The following ALMS1 variants were observed in gnomAD, a reference collection of about 807,000 sequenced individuals.
ALMS1 encodes ALMS1 centrosome and basal body associated protein, also known as centrosome-associated protein ALMS1.
Under a neutral mutation model 352.2 loss-of-function variants are expected in ALMS1, and 271 were observed. The ratio of observed to expected loss-of-function variants is 0.77; its 90% CI spans 0.70 to 0.85. ALMS1 has a LOEUF of 0.85. Among genes scored for constraint, ALMS1 ranks in the 40% least tolerant of loss-of-function variants. The probability of loss-of-function intolerance (pLI) is 0.00; values close to 1 mark genes in which losing one functional copy is unlikely to be tolerated. For synonymous variants in ALMS1, 1,865 were observed against 1,761.2 expected (o/e 1.06, Z -1.48); for missense variants, 5,445 against 4,870.7 (o/e 1.12, Z -3.51).
intron 7 of ALMS1, among the ~76,000 whole-genome samples, chr2:73,444,859 A>G (rs555490758): frequency 1.3e-5 from 2 of 152,302 alleles, no homozygotes; most frequent in African/African-American, 2.4e-5. Flanking sequence ...ATAAACATCT[A>G]TGAGTTAACT....
At chr2:73,594,493 C>T (rs1675504202) in intron 16 of ALMS1, among the ~76,000 whole-genome samples, 1 of 152,200 alleles carries the variant, frequency 6.6e-6, no homozygotes, top group African/African-American at 2.4e-5. Context: ...AGGATGTTCA[C>T]AGAACCTCAG....
intron 1 of ALMS1, among the ~76,000 whole-genome samples, chr2:73,390,290 G>T (rs1184444299): frequency 1.3e-5 from 2 of 152,096 alleles, no homozygotes; most frequent in African/African-American, 2.4e-5. Flanking sequence ...AGAAATTTAT[G>T]AACTATGAAA....
In ALMS1 at chr2:73,448,690, G is replaced by T; in HGVS notation, c.2163G>T (p.Lys721Asn). Residue 721 changes from lysine (K) to asparagine (N), a missense_variant, in exon 8 of 23, where the codon AAG becomes AAT. Coordinates refer to ENST00000613296, the MANE Select transcript of ALMS1 (RefSeq NM_001378454.1). ...CTACTCCCCACTCACATAGAGAGAA[G>T]CCTGGTATTTTTTACCAACAAGAGT... The part of the protein sequence containing the change: ...VLSTPHSHRE[K>N]PGIFYQQEFA... 1 of 1,604,734 alleles carries T rather than the reference G, an allele frequency of 6.2e-7. No homozygotes were observed. The highest frequency in any genetic ancestry group is 8.5e-7 in the Non-Finnish European group (1 of 1,173,780).
In ALMS1 at chr2:73,394,372, G is replaced by A. The variant is rs78671944; in HGVS notation, c.324+8180G>A. 3.7e-3 allele frequency among the ~76,000 whole-genome samples: 557 copies of A among 151,152 alleles called. 20 individuals are homozygous for A. The East Asian group carries it at 0.082, about 22-fold the overall frequency. ...AAATCATCTGGTCCTTTTTTTTGTT[G>A]TTGTTGAGATGGTGTCTTGCCCAGG... On this transcript the variant is annotated intron_variant, in intron 1 of 22. Coordinates refer to ENST00000613296, the MANE Select transcript of ALMS1 (RefSeq NM_001378454.1).
intron 10 of ALMS1, among the ~76,000 whole-genome samples, chr2:73,513,047 TAGTG>T (rs1451024557): frequency 6.6e-6 from 1 of 152,244 alleles, no homozygotes; most frequent in East Asian, 1.9e-4. Context: ...TCATATCTAA[TAGTG>T]AGTAACCTCA....
Position 73,490,014 on chromosome 2 carries a change from A to T in ALMS1, c.8055A>T (p.Glu2685Asp). The change falls in exon 10 of 23, where the codon GAA (glutamate) becomes GAT (aspartate). Residue 2685 changes from glutamate (E) to aspartate (D), a missense_variant. Physicochemically the swap from Glu to Asp is conservative, Grantham distance 45. Transcript: ENST00000613296. ...KMDPWLSELV[E>D]PAFVPPKEVD... ...ACCCTTGGCTGTCAGAATTAGTAGA[A>T]CCTGCTTTTGTGCCACCTAAAGAAG... 1.2e-6 allele frequency: 2 copies of T among 1,614,234 alleles called. No individual in the cohort carries two copies. Among genetic ancestry groups the T allele is most frequent in the Non-Finnish European group, 1.7e-6 (2 of 1,180,048 alleles).
intron 15 of ALMS1, 122 bp downstream of exon 15, chr2:73,559,264 T>C: frequency 7.9e-7 from 1 of 1,264,542 alleles, no homozygotes; most frequent in Non-Finnish European, 1.1e-6. Flanking sequence ...ATTCCTTTTC[T>C]TTTTTTAAAA....
chr2:73,583,389 C>G (rs1462005752), intron 16 of ALMS1, among the ~76,000 whole-genome samples: 1 of 151,964 alleles, frequency 6.6e-6, no homozygotes, highest in African/African-American at 2.4e-5. Context: ...TTTATATTTT[C>G]TGTATGTTAA....
intron 16 of ALMS1, among the ~76,000 whole-genome samples, chr2:73,579,778 C>T (rs1021753503): frequency 4.6e-5 from 7 of 152,138 alleles, no homozygotes; most frequent in South Asian, 2.1e-4. Context: ...CTTCTGTGCT[C>T]GCCCTTATTC....
In ALMS1 at chr2:73,519,800, C is replaced by T. The variant is rs376367125; in HGVS notation, c.9565C>T (p.Leu3189Phe). Residue 3189 changes from leucine to phenylalanine, a missense_variant, in exon 11 of 23, where the codon CTT becomes TTT. Coordinates refer to ENST00000613296, the MANE Select transcript of ALMS1 (RefSeq NM_001378454.1). ...ATTACCAGAGAAGATGAAGACCCCA[C>T]TTTCTGCTTTCTCTGAAAAATTGTC... The part of the protein sequence containing the change: ...DRLPEKMKTP[L>F]SAFSEKLSSD... 25 of 1,613,926 alleles carry T rather than the reference C, an allele frequency of 1.5e-5. No individual in the cohort carries two copies. The highest frequency in any genetic ancestry group is 2.1e-5 in the Non-Finnish European group (25 of 1,179,944).
intron 5 of ALMS1, 151 bp from the exon 6 acceptor site, chr2:73,426,302 G>C: frequency 1.2e-6 from 1 of 803,282 alleles, no homozygotes; most frequent in Admixed American, 1.8e-5. Flanking sequence ...CAAGGTGCTT[G>C]TACCATTGAC....
chr2:73,423,991 T>G (rs1671331809), intron 4 of ALMS1, among the ~76,000 whole-genome samples: 1 of 152,162 alleles, frequency 6.6e-6, no homozygotes, highest in Non-Finnish European at 1.5e-5. Flanking sequence ...TTGCCAAGGC[T>G]TGTCTTGAAC....
In ALMS1 at chr2:73,573,073, C is replaced by A. The variant is rs1266526654; in HGVS notation, c.11196C>A (p.Asn3732Lys). 1 of 1,614,012 alleles carries A rather than the reference C, an allele frequency of 6.2e-7. No homozygotes were observed. The highest frequency in any genetic ancestry group is 8.5e-7 in the Non-Finnish European group (1 of 1,179,986). ...AGCCAGGTTTTAATTATATAAGCAA[C>A]ACTTCTTCGGATTGTCGGCCCTCAG... Reference protein sequence around the residue: ...SKQPGFNYISNTSSDCRPSEE... With the variant: ...SKQPGFNYISKTSSDCRPSEE... The change falls in exon 16 of 23, where the codon AAC (asparagine) becomes AAA (lysine). Residue 3732 changes from asparagine to lysine, a missense_variant. Transcript: ENST00000613296.
chr2:73,596,185 C>G (rs1278079889), intron 16 of ALMS1, among the ~76,000 whole-genome samples: 1 of 152,184 alleles, frequency 6.6e-6, no homozygotes, highest in African/African-American at 2.4e-5. Flanking sequence ...AACTGTTTGC[C>G]TAACCAAAGT....
rs766851353 is a variant in ALMS1, at chr2:73,386,059, A to T, written c.191A>T (p.His64Leu). Reference protein sequence around the residue: ...LDSDSHYGPQHLESIDDEEDE... With the variant: ...LDSDSHYGPQLLESIDDEEDE... ...TCCGACTCTCACTACGGGCCCCAGC[A>T]TCTGGAAAGTATAGACGACGAGGAG... is the stretch of plus-strand genomic sequence containing the variant. The change falls in exon 1 of 23, where the codon CAT (histidine) becomes CTT (leucine). Residue 64 changes from histidine to leucine, a missense_variant. Physicochemically the swap from His to Leu is moderately conservative, Grantham distance 99 (BLOSUM62 -3). Coordinates refer to ENST00000613296, the MANE Select transcript of ALMS1 (RefSeq NM_001378454.1). The T allele has an allele frequency of 3.1e-6, 5 of 1,589,792 alleles. No individual in the cohort carries two copies. The highest frequency in any genetic ancestry group is 1.3e-5 in the African/African-American group (1 of 74,266).
intron 20 of ALMS1, 46 bp downstream of exon 20, chr2:73,602,414 A>G: frequency 2.5e-6 from 4 of 1,609,120 alleles, no homozygotes; most frequent in Non-Finnish European, 2.6e-6. Flanking sequence ...TAGAGAAGGC[A>G]AGGTCTGCTG....
At chr2:73,480,412 T>G (rs1268180823) in intron 9 of ALMS1, among the ~76,000 whole-genome samples, 1 of 152,206 alleles carries the variant, frequency 6.6e-6, no homozygotes, top group Admixed American at 6.5e-5. Context: ...AACTCATCAT[T>G]TTTTATGGCT....
Position 73,573,286 on chromosome 2 carries a change from C to T in ALMS1, c.11409C>T (p.Pro3803=). The T allele has an allele frequency of 2.5e-6, 4 of 1,614,086 alleles. No homozygotes were observed. Among genetic ancestry groups the T allele is most frequent in the Non-Finnish European group, 3.4e-6 (4 of 1,179,986 alleles). ...AFGHERVCLS[P]RRIKLYSSIT... ...GCCATGAAAGAGTATGCTTGTCACC[C>T]AGACGAATTAAATTATATAGCAGCA... Residue 3803 remains proline (P), a synonymous_variant, in exon 16 of 23, where the codon CCC becomes CCT. Coordinates refer to ENST00000613296, the MANE Select transcript of ALMS1 (RefSeq NM_001378454.1).
chr2:73,469,575 CATT>C (rs1166924084), intron 9 of ALMS1: 1 of 151,828 alleles, frequency 6.6e-6, no homozygotes, highest in Non-Finnish European at 1.5e-5. Flanking sequence ...ACAGATTAAA[CATT>C]ATGAGAGAGA....
Sources: gnomAD v4.1 joint callset for allele counts (sites outside exome capture counted in the v4.1 genomes callset) on GRCh38, gnomAD v4.1.1 for gene constraint, MANE v1.5 for transcripts, NCBI Gene and HGNC (gene_info 2026-07-23, HGNC 2026-07-21) for gene names.